The following CRELD2 variants were observed in gnomAD, a reference collection of about 807,000 sequenced individuals.
The protein encoded by CRELD2 is CRELD disulfide isomerase 2.
CRELD2 carries 33 observed loss-of-function variants against 48.1 expected under a neutral mutation model. The ratio of observed to expected loss-of-function variants is 0.69; its 90% CI spans 0.52 to 0.92. The LOEUF is 0.92. Ranked by LOEUF, CRELD2 falls within the 40% of genes least tolerant of loss-of-function variation. The probability of loss-of-function intolerance (pLI) is 0.00; values close to 1 mark genes in which losing one functional copy is unlikely to be tolerated. For missense variants in CRELD2, 477 were observed against 482.4 expected, an observed-to-expected ratio of 0.99 and a Z score of 0.10; for synonymous variants, 220 against 203.9, an observed-to-expected ratio of 1.08 and a Z score of -0.67.
chr22:49,924,496 C>A, intron 8 of CRELD2, 41 bp downstream of exon 8: 1 of 1,423,922 alleles, frequency 7.0e-7, no homozygotes, highest in South Asian at 1.2e-5. Context: ...TGGACCCTTC[C>A]CAAGTGACCA....
intron 5 of CRELD2, chr22:49,922,256 T>C (rs1047423777): frequency 1.3e-6 from 2 of 1,538,864 alleles, no homozygotes. Context: ...CGTGGATCGA[T>C]AGTCAGGACC....
intron 1 of CRELD2, 122 bp downstream of exon 1, chr22:49,919,020 C>A (rs370665963): frequency 2.2e-6 from 2 of 901,700 alleles, no homozygotes; most frequent in Non-Finnish European, 3.2e-6. Context: ...CCCCCTCACC[C>A]TGGATTCGGG....
chr22:49,924,626 G>A (rs2060739230), intron 8 of CRELD2, 171 bp downstream of exon 8: 2 of 501,356 alleles, frequency 4.0e-6, no homozygotes, highest in East Asian at 6.8e-5. Flanking sequence ...AGACACAGAA[G>A]CAGTGGGGGT....
At chr22:49,925,781 T>A in intron 9 of CRELD2, 1 of 1,379,014 alleles carries the variant, frequency 7.3e-7, no homozygotes, top group Non-Finnish European at 9.4e-7. Context: ...AAACGGAAGT[T>A]CAGGCGATGA....
At chr22:49,919,128 G>A in intron 1 of CRELD2, 102 bp from the exon 2 acceptor site, 1 of 1,240,524 alleles carries the variant, frequency 8.1e-7, no homozygotes, top group East Asian at 2.3e-5. Flanking sequence ...CAGGGTCGAC[G>A]CCACCGTGGG....
At chr22:49,921,541 TCAC>T (rs769673460) in intron 4 of CRELD2, 41 bp from the exon 5 acceptor site, 2 of 1,585,440 alleles carry the variant, frequency 1.3e-6, no homozygotes, top group South Asian at 1.1e-5. Context: ...ACCGCACCGG[TCAC>T]CACCAGGTGT....
At position 49,922,213 on chromosome 22, in the gene CRELD2, GGCAGCCCCT is replaced by G; in HGVS notation, c.593-398_593-390del. ...CTCGGACGTGAGTGTGTGGTTGGCC[GGCAGCCCCT>G]AGGCTATTCTGGGCAGACAGACCCG... On this transcript the variant is annotated intron_variant, in intron 5 of 9. Transcript: ENST00000328268. 3 of 1,440,870 alleles carry G rather than the reference GGCAGCCCCT, an allele frequency of 2.1e-6. No homozygotes were observed. In the South Asian group the frequency reaches 4.2e-5, roughly 20 times the overall value. The allele number at this position is 1,440,870 out of a possible 1,614,324, so 89.3% of individuals were successfully genotyped here.
intron 4 of CRELD2, among the ~76,000 whole-genome samples, chr22:49,920,655 G>A (rs1234355283): frequency 6.6e-6 from 1 of 152,256 alleles, no homozygotes; most frequent in Non-Finnish European, 1.5e-5. Flanking sequence ...GGCACTGGGT[G>A]TCTATCAGGC....
intron 5 of CRELD2, chr22:49,922,165 A>T: frequency 9.7e-7 from 1 of 1,027,770 alleles, no homozygotes; most frequent in South Asian, 1.8e-5. Context: ...GTTGTCACTG[A>T]TATGTAGGAA....
chr22:49,925,459 A>T lies in CRELD2; in HGVS notation c.911A>T (p.Lys304Ile), dbSNP rs1158416900. Residue 304 changes from lysine to isoleucine, a missense_variant, in exon 9 of 10, where the codon AAA becomes ATA. Physicochemically the swap from Lys to Ile is moderately radical, Grantham distance 102. Coordinates refer to ENST00000328268, the MANE Select transcript of CRELD2 (RefSeq NM_024324.5). Reference sequence around the variant, plus strand: ...CTAGCAGAAAAAACCTGTGTGAGGAAAAACGAAAACTGCTACAATACTCCA... The same window carrying T: ...CTAGCAGAAAAAACCTGTGTGAGGATAAACGAAAACTGCTACAATACTCCA... Reference protein sequence around the residue: ...CSLAEKTCVRKNENCYNTPGS... With the variant: ...CSLAEKTCVRINENCYNTPGS... The T allele has an allele frequency of 1.2e-6, 2 of 1,613,724 alleles. No homozygotes were observed. Among genetic ancestry groups the T allele is most frequent in the East Asian group, 4.5e-5 (2 of 44,868 alleles).
chr22:49,926,381 G>T (rs10854860), intron 9 of CRELD2: 41,224 of 152,148 alleles, frequency 0.27, 6,864 homozygotes, highest in African/African-American at 0.47. Flanking sequence ...AGTGTTCAAG[G>T]AGATATTGGC....
intron 2 of CRELD2, among the ~76,000 whole-genome samples, 183 bp downstream of exon 2, chr22:49,919,495 C>T (rs2060654338): frequency 6.6e-6 from 1 of 152,258 alleles, no homozygotes; most frequent in African/African-American, 2.4e-5. Flanking sequence ...GGCCTTCCAG[C>T]TTCTGCTCTG....
At chr22:49,922,508 C>T in intron 5 of CRELD2, 104 bp from the exon 6 acceptor site, 1 of 1,495,092 alleles carries the variant, frequency 6.7e-7, no homozygotes, top group Non-Finnish European at 9.1e-7. Flanking sequence ...ACTGAAAATC[C>T]CGTGTTGCTT....
rs533714065 is a variant in CRELD2 at position 49,927,394 on chromosome 22, G to A, written c.*87G>A. Reference sequence around the variant, plus strand: ...GATGCCGTCTCCTGCAGTGGACAGCGGCGGGGAGAGGCTGCCTGCTCTCTA... The same window carrying A: ...GATGCCGTCTCCTGCAGTGGACAGCAGCGGGGAGAGGCTGCCTGCTCTCTA... On this transcript the variant is annotated 3_prime_UTR_variant, in exon 10 of 10. Coordinates refer to ENST00000328268, the MANE Select transcript of CRELD2 (RefSeq NM_024324.5). 1.9e-4 allele frequency: 191 copies of A among 1,013,670 alleles called. No homozygotes were observed. The highest frequency in any genetic ancestry group is 2.7e-4 in the Non-Finnish European group (169 of 636,774). The allele number at this position is 1,013,670 out of a possible 1,614,324, so 62.8% of individuals were successfully genotyped here.
chr22:49,920,339 G>A, intron 4 of CRELD2, 92 bp downstream of exon 4: 1 of 870,078 alleles, frequency 1.1e-6, no homozygotes, highest in Non-Finnish European at 1.8e-6. Context: ...AGGGGACCTG[G>A]GGTGCATCAG....
Position 49,922,248 on chromosome 22 carries a change from T to A in CRELD2, c.593-364T>A, listed in dbSNP as rs780147587. 3.8e-6 allele frequency: 6 copies of A among 1,559,362 alleles called. No individual in the cohort carries two copies. The East Asian group carries it at 1.4e-4, about 36-fold the overall frequency. On this transcript the variant is annotated intron_variant, in intron 5 of 9. Transcript: ENST00000328268. ...AGGCTATTCTGGGCAGACAGACCCG[T>A]GGATCGATAGTCAGGACCGGCCTCT...
intron 9 of CRELD2, 152 bp downstream of exon 9, chr22:49,925,709 T>C (rs767389779): frequency 1.8e-5 from 26 of 1,459,480 alleles, no homozygotes; most frequent in Non-Finnish European, 2.3e-5. Context: ...GACATCTCTG[T>C]GTGGGCACGC....
rs1473786701 is a variant in CRELD2, at chr22:49,918,723, C to A, written c.-47C>A. ...GGCCGGGAGGCCGGAGCAGCACGGC[C>A]GCAGGACCTGGAGCTCCGGCTGCGT... is the stretch of plus-strand genomic sequence containing the variant. On this transcript the variant is annotated 5_prime_UTR_variant, in exon 1 of 10. Coordinates refer to ENST00000328268, the MANE Select transcript of CRELD2 (RefSeq NM_024324.5). 8.0e-6 allele frequency: 6 copies of A among 753,722 alleles called. No homozygotes were observed. The highest frequency in any genetic ancestry group is 8.9e-5 in the Admixed American group (2 of 22,524). 46.7% of individuals were successfully genotyped at this position (753,722 alleles called of 1,614,324 possible).
intron 2 of CRELD2, 139 bp downstream of exon 2, chr22:49,919,451 C>A: frequency 1.3e-6 from 1 of 783,662 alleles, no homozygotes; most frequent in Admixed American, 2.2e-5. Flanking sequence ...GTCACCTCGG[C>A]TTCTCCCTGA....
Sources: gnomAD v4.1 joint callset for allele counts (sites outside exome capture counted in the v4.1 genomes callset) on GRCh38, gnomAD v4.1.1 for gene constraint, MANE v1.5 for transcripts, NCBI Gene and HGNC (gene_info 2026-07-23, HGNC 2026-07-21) for gene names.